Variants in COL21A1 observed in about 807,000 individuals in gnomAD.
The protein encoded by COL21A1 is collagen alpha-1(XXI) chain.
Under a neutral mutation model 137.9 loss-of-function variants are expected in COL21A1, and 149 were observed. The observed-to-expected ratio is 1.08, with a 90% confidence interval of 0.95 to 1.24. The LOEUF (loss-of-function observed/expected upper bound fraction) is 1.24. COL21A1 is among the 50% of genes most tolerant of loss of function. The pLI is 0.00. For synonymous variants in COL21A1, 456 were observed against 391.5 expected, an observed-to-expected ratio of 1.16 and a Z score of -1.95; for missense variants, 1,167 against 1,158.4, an observed-to-expected ratio of 1.01 and a Z score of -0.11.
intron 17 of COL21A1, among the ~76,000 whole-genome samples, chr6:56,100,036 A>G (rs1004240867): frequency 2.0e-5 from 3 of 152,232 alleles, no homozygotes; most frequent in Admixed American, 6.5e-5. Flanking sequence ...TGACAAATGA[A>G]TAAGGTTTAC....
chr6:56,098,974 C>G (rs1268684340), intron 17 of COL21A1, among the ~76,000 whole-genome samples: 1 of 150,356 alleles, frequency 6.7e-6, no homozygotes, highest in Admixed American at 6.7e-5. Context: ...CTCGGCCTCC[C>G]AAAGTGCTGG....
intron 16 of COL21A1, among the ~76,000 whole-genome samples, chr6:56,123,833 G>C (rs1185052879): frequency 6.6e-6 from 1 of 152,166 alleles, no homozygotes; most frequent in African/African-American, 2.4e-5. Context: ...TATTGAAGAA[G>C]TTCAACCTTG....
At chr6:56,361,189 G>A (rs1765956860) in intron 1 of COL21A1, among the ~76,000 whole-genome samples, 1 of 152,176 alleles carries the variant, frequency 6.6e-6, no homozygotes, top group Non-Finnish European at 1.5e-5. Context: ...GTGGTTGGGA[G>A]AGGTAACTCA....
chr6:56,116,512 T>C (rs1366690427), intron 16 of COL21A1, among the ~76,000 whole-genome samples: 3 of 150,972 alleles, frequency 2.0e-5, no homozygotes, highest in East Asian at 1.9e-4. Flanking sequence ...AGATGAGTGA[T>C]TTCATCAATA....
chr6:56,380,824 T>C (rs1013851355), intron 1 of COL21A1, among the ~76,000 whole-genome samples: 2 of 152,180 alleles, frequency 1.3e-5, no homozygotes, highest in African/African-American at 4.8e-5. Flanking sequence ...AATCCAGGTG[T>C]TAGATAAGCT....
In COL21A1 at chr6:56,156,936, A is replaced by G. The variant is rs765051659; in HGVS notation, c.1385T>C (p.Leu462Pro). 1.2e-6 allele frequency: 2 copies of G among 1,611,710 alleles called. 1 individual carries two copies. The highest frequency in any genetic ancestry group is 2.2e-5 in the South Asian group (2 of 90,346). The change falls in exon 10 of 30, where the codon CTG (leucine) becomes CCG (proline). Residue 462 changes from leucine (L) to proline (P), a missense_variant. By Grantham distance (98) the Leu-to-Pro change is moderately conservative (BLOSUM62 -3). Transcript: ENST00000244728. ...TCCAGGGTAGCCAGGGTTCCCAGGC[A>G]GTCCAGGGTCACCCTAAGCAGGAAG... ...GLQGPKGDPGLPGNPGYPGQP... is the reference protein window; with the variant it reads ...GLQGPKGDPGPPGNPGYPGQP...
At chr6:56,272,647 G>A (rs932890131) in intron 1 of COL21A1, among the ~76,000 whole-genome samples, 1 of 152,148 alleles carries the variant, frequency 6.6e-6, no homozygotes, top group Non-Finnish European at 1.5e-5. Flanking sequence ...TAATCCCCAT[G>A]TGTTGAGGGA....
chr6:56,222,267 C>T (rs1351548502), intron 1 of COL21A1, among the ~76,000 whole-genome samples: 1 of 151,692 alleles, frequency 6.6e-6, no homozygotes, highest in Non-Finnish European at 1.5e-5. Flanking sequence ...GAGTGAAATT[C>T]CGTCTCAAAA....
At chr6:56,140,061 G>C (rs1378894327) in intron 12 of COL21A1, among the ~76,000 whole-genome samples, 1 of 152,062 alleles carries the variant, frequency 6.6e-6, no homozygotes, top group African/African-American at 2.4e-5. Flanking sequence ...CCATGGAAAA[G>C]TTTCAAACTC....
In COL21A1 at chr6:56,366,199, A is replaced by T. The variant is rs1766096353; in HGVS notation, c.-39+27772T>A. 2.0e-5 allele frequency among the ~76,000 whole-genome samples: 3 copies of T among 152,124 alleles called. No homozygotes were observed. In the South Asian group the frequency reaches 6.2e-4, roughly 32 times the overall value. The stretch of plus-strand genomic sequence containing the variant: ...AAGCCACAGCAGGAGGGAACGTGCA[A>T]AAAAGAACTAAAAGGTGAGACAGTC... On this transcript the variant is annotated intron_variant, in intron 1 of 28. Transcript: ENST00000370819.
chr6:56,253,169 A>T (rs1013477794), intron 1 of COL21A1, among the ~76,000 whole-genome samples: 2 of 152,128 alleles, frequency 1.3e-5, no homozygotes, highest in Non-Finnish European at 2.9e-5. Flanking sequence ...CCTGAAAATA[A>T]TTGGGAAATA....
chr6:56,235,375 C>T (rs894591744), intron 1 of COL21A1, among the ~76,000 whole-genome samples: 2 of 151,868 alleles, frequency 1.3e-5, no homozygotes, highest in African/African-American at 4.8e-5. Flanking sequence ...GAACCCACTC[C>T]AATTGGCTGA....
chr6:56,185,726 C>G (rs571006697), intron 1 of COL21A1, among the ~76,000 whole-genome samples: 1 of 152,024 alleles, frequency 6.6e-6, no homozygotes, highest in Non-Finnish European at 1.5e-5. Context: ...TGAGCCACCG[C>G]GCCCGGCCTG....
At chr6:56,321,447 G>A (rs1764865295) in intron 1 of COL21A1, among the ~76,000 whole-genome samples, 1 of 152,158 alleles carries the variant, frequency 6.6e-6, no homozygotes, top group Non-Finnish European at 1.5e-5. Context: ...TTAAATAAAT[G>A]TGGTTATGTT....
chr6:56,212,343 C>A (rs1249224836), intron 1 of COL21A1, among the ~76,000 whole-genome samples: 1 of 151,870 alleles, frequency 6.6e-6, no homozygotes, highest in Non-Finnish European at 1.5e-5. Flanking sequence ...GGGAACACAG[C>A]CCCCCACCAA....
chr6:56,308,697 A>C (rs1055315685), intron 1 of COL21A1, among the ~76,000 whole-genome samples: 3 of 150,796 alleles, frequency 2.0e-5, no homozygotes, highest in Non-Finnish European at 4.4e-5. Flanking sequence ...TGTACATCAA[A>C]ATTTTTGTAG....
At chr6:56,306,524 G>A (rs909577022) in intron 1 of COL21A1, among the ~76,000 whole-genome samples, 2 of 151,978 alleles carry the variant, frequency 1.3e-5, no homozygotes, top group African/African-American at 4.8e-5. Context: ...TGATCGAATT[G>A]GCTACTGAGA....
intron 1 of COL21A1, among the ~76,000 whole-genome samples, chr6:56,288,933 G>A (rs145434480): frequency 3.9e-5 from 6 of 152,290 alleles, no homozygotes; most frequent in African/African-American, 1.2e-4. Flanking sequence ...GGGATGAAAA[G>A]TTTTAGTATT....
At chr6:56,298,457 A>G (rs1229096643) in intron 1 of COL21A1, among the ~76,000 whole-genome samples, 2 of 152,044 alleles carry the variant, frequency 1.3e-5, no homozygotes. Context: ...GAGGATGGGA[A>G]TCAGAAGCAG....
Sources: gnomAD v4.1 joint callset for allele counts (sites outside exome capture counted in the v4.1 genomes callset) on GRCh38, gnomAD v4.1.1 for gene constraint, MANE v1.5 for transcripts, NCBI Gene and HGNC (gene_info 2026-07-23, HGNC 2026-07-21) for gene names.